Variants in ZNF804A observed in about 807,000 individuals in gnomAD.
ZNF804A encodes the protein zinc finger protein 804A.
ZNF804A carries 2 observed loss-of-function variants against 16.5 expected under a neutral mutation model. That is an observed-to-expected ratio of 0.12 (90% CI 0.05 to 0.38). The LOEUF is 0.38. ZNF804A is among the 10% of genes least tolerant of loss of function. The probability of loss-of-function intolerance (pLI) is 0.99; values close to 1 mark genes in which losing one functional copy is unlikely to be tolerated. For synonymous variants in ZNF804A, 534 were observed against 489.6 expected (o/e 1.09, Z -1.20); for missense variants, 1,473 against 1,390.7 (o/e 1.06, Z -0.94).
intron 1 of ZNF804A, among the ~76,000 whole-genome samples, chr2:184,787,831 T>G (rs930179005): frequency 2.6e-5 from 4 of 151,694 alleles, no homozygotes; most frequent in African/African-American, 9.7e-5. Context: ...TTGCTGTTTT[T>G]TTTTTTAGTT....
At chr2:184,866,333 G>GC (rs779867721) in intron 1 of ZNF804A, 36 bp from the exon 2 acceptor site, 2 of 1,607,030 alleles carry the variant, frequency 1.2e-6, no homozygotes, top group Non-Finnish European at 1.7e-6. Flanking sequence ...ACAGGGGAGA[G>GC]CTAATTGTAT....
chr2:184,802,504 C>G (rs1270734334), intron 1 of ZNF804A, among the ~76,000 whole-genome samples: 1 of 152,128 alleles, frequency 6.6e-6, no homozygotes, highest in Non-Finnish European at 1.5e-5. Flanking sequence ...CATTCAAACA[C>G]AACTAATTTA....
chr2:184,718,004 A>G (rs1350163581), intron 1 of ZNF804A, among the ~76,000 whole-genome samples: 1 of 152,104 alleles, frequency 6.6e-6, no homozygotes, highest in Non-Finnish European at 1.5e-5. Context: ...AAAGGCACCT[A>G]TATTAGTCCA....
chr2:184,867,400 C>G (rs1695891824), intron 2 of ZNF804A, among the ~76,000 whole-genome samples: 1 of 152,016 alleles, frequency 6.6e-6, no homozygotes, highest in African/African-American at 2.4e-5. Flanking sequence ...TCTGTTATAT[C>G]AGAGTTATTT....
chr2:184,786,944 G>A (rs1389712115), intron 1 of ZNF804A, among the ~76,000 whole-genome samples: 1 of 151,722 alleles, frequency 6.6e-6, no homozygotes, highest in East Asian at 1.9e-4. Context: ...GTCTATCTAA[G>A]TACAATTTAA....
Position 184,937,309 on chromosome 2 carries a change from T to C in ZNF804A, c.1913T>C (p.Ile638Thr). 1 of 1,613,968 alleles carries C rather than the reference T, an allele frequency of 6.2e-7. No individual in the cohort carries two copies. Among genetic ancestry groups the C allele is most frequent in the Non-Finnish European group, 8.5e-7 (1 of 1,179,940 alleles). ...ENAGKYLLEP[I>T]SEKQYLAAEQ... Reference sequence around the variant, plus strand: ...GCTGGGAAATATCTATTGGAACCAATTTCAGAAAAGCAGTATTTAGCTGCA... The same window carrying C: ...GCTGGGAAATATCTATTGGAACCAACTTCAGAAAAGCAGTATTTAGCTGCA... Residue 638 changes from isoleucine (I) to threonine (T), a missense_variant, in exon 4 of 4, where the codon ATT (isoleucine) becomes ACT (threonine). Physicochemically the swap from Ile to Thr is moderately conservative, Grantham distance 89. Transcript: ENST00000302277.
intron 1 of ZNF804A, among the ~76,000 whole-genome samples, chr2:184,795,987 GT>G (rs1312319926): frequency 6.6e-6 from 1 of 151,656 alleles, no homozygotes; most frequent in Admixed American, 6.6e-5. Context: ...CGTGTGATTT[GT>G]TTTTAATTCT....
chr2:184,626,257 T>G (rs554002138), intron 1 of ZNF804A, among the ~76,000 whole-genome samples: 2 of 152,312 alleles, frequency 1.3e-5, no homozygotes, highest in East Asian at 1.9e-4. Context: ...GTTTAATTAG[T>G]ATTTTGAGAG....
At chr2:184,672,334 A>G (rs1394913660) in intron 1 of ZNF804A, among the ~76,000 whole-genome samples, 2 of 152,226 alleles carry the variant, frequency 1.3e-5, no homozygotes, top group African/African-American at 4.8e-5. Flanking sequence ...TGCAGAAGAA[A>G]CTGGAGAGGT....
At chr2:184,711,881 G>A (rs542090835) in intron 1 of ZNF804A, among the ~76,000 whole-genome samples, 154 of 151,708 alleles carry the variant, frequency 1.0e-3, no homozygotes, top group African/African-American at 3.6e-3. Flanking sequence ...GATTACTATA[G>A]CATTGTAGTG....
intron 2 of ZNF804A, among the ~76,000 whole-genome samples, chr2:184,884,190 A>G (rs1684852979): frequency 6.6e-6 from 1 of 152,126 alleles, no homozygotes; most frequent in African/African-American, 2.4e-5. Context: ...CATGAACACA[A>G]CACAGTTCAC....
At chr2:184,713,889 G>A (rs539366554) in intron 1 of ZNF804A, among the ~76,000 whole-genome samples, 2 of 151,896 alleles carry the variant, frequency 1.3e-5, no homozygotes, top group Admixed American at 6.6e-5. Flanking sequence ...TTCATATTTG[G>A]TTTGTTGCAT....
At chr2:184,787,002 T>C (rs955088692) in intron 1 of ZNF804A, among the ~76,000 whole-genome samples, 5 of 151,794 alleles carry the variant, frequency 3.3e-5, no homozygotes, top group African/African-American at 9.7e-5. Flanking sequence ...TACTTGTGCT[T>C]GTTTGTTCCA....
chr2:184,696,332 G>C (rs900321439), intron 1 of ZNF804A, among the ~76,000 whole-genome samples: 1 of 152,146 alleles, frequency 6.6e-6, no homozygotes, highest in African/African-American at 2.4e-5. Context: ...TCAAATCCAA[G>C]TTAGGATTGA....
intron 1 of ZNF804A, among the ~76,000 whole-genome samples, chr2:184,783,098 A>C (rs555642724): frequency 2.0e-5 from 3 of 148,834 alleles, no homozygotes; most frequent in Admixed American, 1.3e-4. Context: ...TATATGTAAA[A>C]TAATTTTTCA....
At chr2:184,901,483 G>T (rs1049409307) in intron 2 of ZNF804A, among the ~76,000 whole-genome samples, 9 of 152,094 alleles carry the variant, frequency 5.9e-5, no homozygotes, top group Non-Finnish European at 1.2e-4. Flanking sequence ...GAAGTTGGTG[G>T]GAAGCATGAC....
chr2:184,890,273 G>T (rs913162735), intron 2 of ZNF804A, among the ~76,000 whole-genome samples: 1 of 152,128 alleles, frequency 6.6e-6, no homozygotes, highest in Non-Finnish European at 1.5e-5. Context: ...ATATGACTTC[G>T]TTGATAAGAA....
At position 184,936,545 on chromosome 2, in the gene ZNF804A, C is replaced by T. The variant is rs1428087343; in HGVS notation, c.1149C>T (p.Asn383=). ...CCACAGAGGAAAATGTTAAGCATAA[C>T]GAGGCATCCACAACTGAGGTTGAAA... The part of the protein sequence containing the change: ...QATTEENVKH[N]EASTTEVENK... The change falls in exon 4 of 4, where the codon AAC becomes AAT. Residue 383 remains asparagine (N), a synonymous_variant. Coordinates refer to ENST00000302277, the MANE Select transcript of ZNF804A (RefSeq NM_194250.2). The T allele has an allele frequency of 1.1e-5, 17 of 1,613,796 alleles. No homozygotes were observed. The highest frequency in any genetic ancestry group is 4.5e-5 in the East Asian group (2 of 44,832).
chr2:184,830,180 G>A (rs992571661), intron 1 of ZNF804A, among the ~76,000 whole-genome samples: 15 of 151,358 alleles, frequency 9.9e-5, no homozygotes, highest in Admixed American at 9.9e-4. Context: ...TTTATATTTT[G>A]CAAATACTAC....
Sources: gnomAD v4.1 joint callset for allele counts (sites outside exome capture counted in the v4.1 genomes callset) on GRCh38, gnomAD v4.1.1 for gene constraint, MANE v1.5 for transcripts, NCBI Gene and HGNC (gene_info 2026-07-23, HGNC 2026-07-21) for gene names.